FAS: variants seen among roughly 807,000 people sequenced by gnomAD.
The protein encoded by FAS is Fas cell surface death receptor.
In FAS, 5 loss-of-function variants were observed where a neutral mutation model predicts 33.2. The observed-to-expected ratio is 0.15, with a 90% CI of 0.08 to 0.32. The LOEUF (loss-of-function observed/expected upper bound fraction) is 0.32, where lower values mean the gene tolerates loss of function less well. Among genes scored for constraint, FAS ranks in the 10% least tolerant of loss-of-function variants. The probability of loss-of-function intolerance (pLI) is 1.00; values close to 1 mark genes in which losing one functional copy is unlikely to be tolerated. For missense variants in FAS, 339 were observed against 386.0 expected (o/e 0.88, Z 1.02); for synonymous variants, 131 against 130.7 (o/e 1.00, Z -0.01).
At position 89,014,549 on chromosome 10, in the gene FAS, C is replaced by T. The variant is rs778506332; in HGVS notation, c.*99C>T. The stretch of plus-strand genomic sequence containing the variant: ...ATACTGCTTGGTTTTTTACTGGGTA[C>T]ATTTTATCATTTATTAGCGCTGAAG... On this transcript the variant is annotated 3_prime_UTR_variant, in exon 9 of 9. Transcript: ENST00000652046. 10 of 1,088,272 alleles carry T rather than the reference C, an allele frequency of 9.2e-6. No homozygotes were observed. In the South Asian group the frequency reaches 1.2e-4, roughly 13 times the overall value. 67.4% of individuals were successfully genotyped at this position (1,088,272 alleles called of 1,614,324 possible). A position where few individuals can be genotyped will look rare whatever the true frequency, so the allele number is the denominator to read the frequency against.
At chr10:88,991,627 G>GT (rs1265789722) in intron 1 of FAS, 2 of 152,962 alleles carry the variant, frequency 1.3e-5, no homozygotes, top group South Asian at 2.0e-4. Context: ...CTTTAAGACT[G>GT]TAAGTCGCTG....
chr10:88,975,370 G>A (rs1280782990), intron 2 of FAS, among the ~76,000 whole-genome samples: 1 of 152,152 alleles, frequency 6.6e-6, no homozygotes, highest in South Asian at 2.1e-4. Flanking sequence ...AGTTGAGAAG[G>A]ACAATAGTAC....
At chr10:89,014,060 T>C in intron 8 of FAS, 59 bp from the exon 9 acceptor site, 2 of 1,539,298 alleles carry the variant, frequency 1.3e-6, no homozygotes, top group Non-Finnish European at 1.8e-6. Context: ...AAACATGGTT[T>C]TCACTAATGG....
intron 2 of FAS, among the ~76,000 whole-genome samples, chr10:88,981,283 G>A (rs775300223): frequency 1.3e-5 from 2 of 152,118 alleles, no homozygotes; most frequent in Non-Finnish European, 2.9e-5. Context: ...ATTAGGTGAG[G>A]ATCAAATGAG....
rs1589496765 is a variant in FAS at position 89,016,385 on chromosome 10, T to G, written c.*1935T>G. Reference sequence around the variant, plus strand: ...CTGTGCTGTCTGCTCTCCAGTTTTCTATTTCTAGACAGAAGTAGGGCAAGT... The same window carrying G: ...CTGTGCTGTCTGCTCTCCAGTTTTCGATTTCTAGACAGAAGTAGGGCAAGT... On this transcript the variant is annotated 3_prime_UTR_variant, in exon 9 of 9. Transcript: ENST00000652046. The G allele has an allele frequency of 4.6e-6, 1 of 218,572 alleles. No individual in the cohort carries two copies. Among genetic ancestry groups the G allele is most frequent in the African/African-American group, 2.2e-5 (1 of 44,592 alleles). 13.5% of individuals were successfully genotyped at this position (218,572 alleles called of 1,614,324 possible). A position where few individuals can be genotyped will look rare whatever the true frequency, so the allele number is the denominator to read the frequency against.
chr10:88,979,134 T>C (rs1346447395), intron 2 of FAS, among the ~76,000 whole-genome samples: 1 of 152,114 alleles, frequency 6.6e-6, no homozygotes, highest in East Asian at 1.9e-4. Context: ...AAAAATTAAG[T>C]ACAATTAAAA....
At chr10:88,974,138 A>G (rs1385582887) in intron 2 of FAS, 1 of 152,070 alleles carries the variant, frequency 6.6e-6, no homozygotes, top group African/African-American at 2.4e-5. Flanking sequence ...ATGTCTCCAG[A>G]GCTTTAAATT....
At chr10:89,007,964 T>A (rs1848329002) in intron 3 of FAS, 127 bp downstream of exon 3, 1 of 1,447,114 alleles carries the variant, frequency 6.9e-7, no homozygotes, top group South Asian at 1.2e-5. Flanking sequence ...GAAGGACAGG[T>A]GGCTAGGGTA....
At chr10:88,981,916 T>C (rs1340613132), upstream of FAS, among the ~76,000 whole-genome samples, 1 of 152,220 alleles carries the variant, frequency 6.6e-6, no homozygotes, top group Non-Finnish European at 1.5e-5. Context: ...TCTTGATACC[T>C]TTACTTGACA....
chr10:88,964,864 T>G (rs1485551557), intron 1 of FAS, among the ~76,000 whole-genome samples: 1 of 152,130 alleles, frequency 6.6e-6, no homozygotes, highest in Non-Finnish European at 1.5e-5. Flanking sequence ...CTTTGTAACT[T>G]TCTTTTGCCC....
At position 89,016,769 on chromosome 10, in the gene FAS, T is replaced by C. The variant is rs548214044; in HGVS notation, c.*2319T>C. On this transcript the variant is annotated 3_prime_UTR_variant, in exon 9 of 9. Transcript: ENST00000652046. ...CCATGAGCTGCAGAAAAAAAGGCTA[T>C]TTGCAGAAGGAGCTCACAGATCACA... 25 of 222,158 alleles carry C rather than the reference T, an allele frequency of 1.1e-4. No individual in the cohort carries two copies. Among genetic ancestry groups the C allele is most frequent in the Non-Finnish European group, 1.8e-4 (20 of 111,050 alleles). The allele number at this position is 222,158 out of a possible 1,614,324, so 13.8% of individuals were successfully genotyped here.
chr10:88,990,564 T>G (rs1451045804), upstream of FAS: 1 of 645,732 alleles, frequency 1.5e-6, no homozygotes, highest in Non-Finnish European at 2.9e-6. The surrounding 1 kb of genome is among the most constrained non-coding windows in gnomAD (Gnocchi z 4.9). Flanking sequence ...GCTGAATCAA[T>G]GGAGCCCTCC....
chr10:88,981,586 A>G, intron 2 of FAS, among the ~76,000 whole-genome samples: 1 of 152,180 alleles, frequency 6.6e-6, no homozygotes, highest in Non-Finnish European at 1.5e-5. Flanking sequence ...GACATTTCCC[A>G]ATTCAATCCA....
intron 3 of FAS, 30 bp from the exon 4 acceptor site, chr10:89,008,859 T>A (rs1848380745): frequency 6.3e-7 from 1 of 1,599,114 alleles, no homozygotes; most frequent in South Asian, 1.1e-5. Flanking sequence ...TTAGCCGCTA[T>A]AACTAATAGT....
At chr10:88,986,663 A>ACAGGAAGGAAGTAGTG (rs772916083), upstream of FAS, among the ~76,000 whole-genome samples, 2 of 150,376 alleles carry the variant, frequency 1.3e-5, no homozygotes, top group East Asian at 3.9e-4. Context: ...AGGAAGTAAT[A>ACAGGAAGGAAGTAGTG]CAGGAAGGAA....
At chr10:88,993,305 A>ATTTTTT (rs59583029) in intron 1 of FAS, among the ~76,000 whole-genome samples, 1 of 148,908 alleles carries the variant, frequency 6.7e-6, no homozygotes. Flanking sequence ...TGTGGGTTGC[A>ATTTTTT]TTTTTTTTTT....
intron 1 of FAS, among the ~76,000 whole-genome samples, chr10:88,993,166 T>C (rs1847361292): frequency 6.6e-6 from 1 of 152,186 alleles, no homozygotes; most frequent in South Asian, 2.1e-4. Flanking sequence ...AGTTTTCTCT[T>C]TCCTATTTCT....
intron 2 of FAS, among the ~76,000 whole-genome samples, chr10:88,975,815 G>A (rs1287615491): frequency 6.6e-6 from 1 of 152,170 alleles, no homozygotes; most frequent in Admixed American, 6.5e-5. Context: ...CACCTCCATT[G>A]AATCTGTCCT....
intron 1 of FAS, among the ~76,000 whole-genome samples, chr10:88,967,925 T>G (rs1045426680): frequency 4.6e-5 from 7 of 152,088 alleles, no homozygotes; most frequent in Admixed American, 3.3e-4. Flanking sequence ...ATCTCAAGAG[T>G]TTGTTAGTAT....
Sources: gnomAD v4.1 joint callset for allele counts (sites outside exome capture counted in the v4.1 genomes callset) on GRCh38, gnomAD v4.1.1 for gene constraint, Gnocchi (gnomAD v3.1) non-coding constraint, MANE v1.5 for transcripts, NCBI Gene and HGNC (gene_info 2026-07-23, HGNC 2026-07-21) for gene names.